Variants in PHF21B observed in about 807,000 individuals in gnomAD.
PHF21B encodes the protein PHD finger protein 21B, also known as PHD finger protein 4.
Under a neutral mutation model 62.2 loss-of-function variants are expected in PHF21B, and 22 were observed. The observed-to-expected ratio is 0.35, with a 90% confidence interval of 0.25 to 0.51. PHF21B has a LOEUF of 0.51. Ranked by LOEUF, PHF21B falls within the 20% of genes least tolerant of loss-of-function variation. The pLI is 0.97. For synonymous variants in PHF21B, 341 were observed against 314.7 expected, an observed-to-expected ratio of 1.08 and a Z score of -0.88; for missense variants, 701 against 707.9, an observed-to-expected ratio of 0.99 and a Z score of 0.11.
chr22:44,889,648 C>T (rs1365717687), intron 9 of PHF21B, 112 bp downstream of exon 9: 43 of 1,311,942 alleles, frequency 3.3e-5, no homozygotes, highest in South Asian at 1.7e-4. Flanking sequence ...AACCGAAAGG[C>T]CTTCTGCACC....
chr22:44,983,000 T>C (rs1329681994), intron 2 of PHF21B, among the ~76,000 whole-genome samples: 2 of 152,090 alleles, frequency 1.3e-5, no homozygotes, highest in Non-Finnish European at 2.9e-5. Flanking sequence ...TCCCAGCACT[T>C]TGGGAGACCG....
intron 2 of PHF21B, among the ~76,000 whole-genome samples, chr22:44,953,879 C>A (rs2072242045): frequency 6.6e-6 from 1 of 152,222 alleles, no homozygotes; most frequent in African/African-American, 2.4e-5. Flanking sequence ...AACAGCTGTG[C>A]CAACTGAGGC....
intron 3 of PHF21B, 83 bp from the exon 4 acceptor site, chr22:44,916,713 C>T: frequency 1.6e-6 from 2 of 1,268,780 alleles, no homozygotes; most frequent in South Asian, 1.2e-5. Context: ...CGGAGACTTC[C>T]TATATTCAAG....
chr22:44,960,331 T>C (rs2072392906), intron 2 of PHF21B, among the ~76,000 whole-genome samples: 1 of 152,160 alleles, frequency 6.6e-6, no homozygotes, highest in Non-Finnish European at 1.5e-5. Context: ...TCTTTTTTCC[T>C]TCACTGCCCG....
chr22:44,977,617 C>G (rs2072762027), intron 2 of PHF21B, among the ~76,000 whole-genome samples: 1 of 151,834 alleles, frequency 6.6e-6, no homozygotes, highest in Non-Finnish European at 1.5e-5. Context: ...CTTGCTCTGT[C>G]ACCCAGGCTG....
At position 45,009,697 on chromosome 22, in the gene PHF21B, G is replaced by C; in HGVS notation, c.-148C>G. On this transcript the variant is annotated 5_prime_UTR_variant, in exon 1 of 13. Coordinates refer to ENST00000313237, the MANE Select transcript of PHF21B (RefSeq NM_138415.5). This position sits in a 1 kb window ranked among gnomAD's most constrained non-coding sequence, Gnocchi z 5.9. ...CGAGCCCCCTCCCCCACGGCCGAAAGGGAAGGGGGCTGGCGAAGGGGAAGA... is the reference window on the plus strand; with the variant it reads ...CGAGCCCCCTCCCCCACGGCCGAAACGGAAGGGGGCTGGCGAAGGGGAAGA... 2.9e-6 allele frequency: 2 copies of C among 700,842 alleles called. No individual in the cohort carries two copies. The highest frequency in any genetic ancestry group is 4.3e-6 in the Non-Finnish European group (2 of 464,510). The allele number at this position is 700,842 out of a possible 1,614,324, so 43.4% of individuals were successfully genotyped here.
chr22:44,883,158 C>T lies in PHF21B; in HGVS notation c.1524G>A (p.Leu508=). The change falls in exon 13 of 13, where the codon CTG becomes CTA. Residue 508 remains leucine (L), a synonymous_variant. Transcript: ENST00000313237. Reference sequence around the variant, plus strand: ...CTGAGGGCTTGGTCCAGGGCCCGGCCAGCAGTGGGGCAGGGCTAGTGGTCG... The same window carrying T: ...CTGAGGGCTTGGTCCAGGGCCCGGCTAGCAGTGGGGCAGGGCTAGTGGTCG... ...TMTTTSPAPL[L]AGPWTKPSVA... is the part of the protein sequence containing the mutation. The T allele has an allele frequency of 6.2e-7, 1 of 1,613,182 alleles. No individual in the cohort carries two copies. The highest frequency in any genetic ancestry group is 8.5e-7 in the Non-Finnish European group (1 of 1,179,948).
intron 2 of PHF21B, among the ~76,000 whole-genome samples, chr22:44,942,552 C>A (rs769388212): frequency 6.6e-6 from 1 of 152,176 alleles, no homozygotes; most frequent in Non-Finnish European, 1.5e-5. Context: ...CCAGCCCAGG[C>A]AGCTGACTGC....
intron 2 of PHF21B, among the ~76,000 whole-genome samples, chr22:44,979,281 G>A (rs905358331): frequency 2.6e-5 from 4 of 152,242 alleles, no homozygotes; most frequent in Non-Finnish European, 4.4e-5. Context: ...TGGTATTGGC[G>A]GCCTGATGAA....
chr22:45,005,188 T>A (rs1207042381), intron 2 of PHF21B, among the ~76,000 whole-genome samples: 1 of 152,264 alleles, frequency 6.6e-6, no homozygotes, highest in East Asian at 1.9e-4. Flanking sequence ...TCTCATGGTG[T>A]AAACCACTGG....
intron 11 of PHF21B, 132 bp downstream of exon 11, chr22:44,885,731 C>A: frequency 9.0e-7 from 1 of 1,114,608 alleles, no homozygotes. Flanking sequence ...GTCCCAGGAT[C>A]CCACTTTTCA....
intron 5 of PHF21B, among the ~76,000 whole-genome samples, chr22:44,913,288 G>A (rs1177202842): frequency 2.0e-5 from 3 of 152,218 alleles, no homozygotes; most frequent in Admixed American, 6.5e-5. Flanking sequence ...CACACACCCA[G>A]GACTGGCCAT....
chr22:44,939,962 C>CA (rs2071924318), intron 2 of PHF21B, among the ~76,000 whole-genome samples: 1 of 152,094 alleles, frequency 6.6e-6, no homozygotes, highest in African/African-American at 2.4e-5. Flanking sequence ...ATCAAAAACT[C>CA]AAAAAGCCCA....
At chr22:44,926,427 G>A (rs1254846922) in intron 2 of PHF21B, among the ~76,000 whole-genome samples, 1 of 152,252 alleles carries the variant, frequency 6.6e-6, no homozygotes, top group Non-Finnish European at 1.5e-5. Flanking sequence ...GTTTTGCTGG[G>A]GCTTCCGTCC....
chr22:44,910,154 C>T (rs955129857), intron 5 of PHF21B, among the ~76,000 whole-genome samples: 12 of 152,120 alleles, frequency 7.9e-5, no homozygotes, highest in East Asian at 7.7e-4. Flanking sequence ...TGGGGAGAAT[C>T]GTTGGGAGCT....
At chr22:44,922,194 T>C (rs533510490) in intron 2 of PHF21B, among the ~76,000 whole-genome samples, 2 of 152,352 alleles carry the variant, frequency 1.3e-5, no homozygotes, top group Admixed American at 1.3e-4. Context: ...GCAGGGCTGC[T>C]TTGCCATTTG....
intron 2 of PHF21B, among the ~76,000 whole-genome samples, chr22:44,960,792 C>A (rs920009844): frequency 2.0e-5 from 3 of 152,066 alleles, no homozygotes; most frequent in African/African-American, 7.2e-5. Flanking sequence ...AGCCTGGACA[C>A]CAGGGTTTTC....
At chr22:44,909,397 A>C (rs1454876636) in intron 5 of PHF21B, among the ~76,000 whole-genome samples, 1 of 152,210 alleles carries the variant, frequency 6.6e-6, no homozygotes, top group Middle Eastern at 3.2e-3. Context: ...CTCACAGTGC[A>C]CCTGCAGGTG....
intron 2 of PHF21B, among the ~76,000 whole-genome samples, chr22:44,980,380 C>T (rs1006795992): frequency 1.3e-5 from 2 of 152,154 alleles, no homozygotes; most frequent in Non-Finnish European, 2.9e-5. Context: ...TGTGGACACA[C>T]GGTTCCCAGA....
Sources: gnomAD v4.1 joint callset for allele counts (sites outside exome capture counted in the v4.1 genomes callset) on GRCh38, gnomAD v4.1.1 for gene constraint, Gnocchi (gnomAD v3.1) non-coding constraint, MANE v1.5 for transcripts, NCBI Gene and HGNC (gene_info 2026-07-23, HGNC 2026-07-21) for gene names.